Variants in HMGCLL1 observed in about 807,000 individuals in gnomAD.
HMGCLL1 encodes the protein 3-hydroxy-3-methylglutaryl-CoA lyase like 1, also known as 3-hydroxymethyl-3-methylglutaryl-CoA lyase, cytoplasmic.
In HMGCLL1, 36 loss-of-function variants were observed where a neutral mutation model predicts 39.1. That is an observed-to-expected ratio of 0.92 (90% confidence interval 0.71 to 1.22). The LOEUF is 1.22. Ranked by LOEUF, HMGCLL1 falls within the 50% of genes most tolerant of loss-of-function variation. HMGCLL1 has a pLI of 0.00. For synonymous variants in HMGCLL1, 149 were observed against 144.0 expected, an observed-to-expected ratio of 1.03 and a Z score of -0.25; for missense variants, 451 against 416.5, an observed-to-expected ratio of 1.08 and a Z score of -0.72.
the HMGCLL1 span, among the ~76,000 whole-genome samples, chr6:55,641,571 G>A: frequency 6.9e-4 from 104 of 151,790 alleles, no homozygotes; most frequent in African/African-American, 2.4e-3. Flanking sequence ...AGTTACCCTA[G>A]GAAAACAGAA....
At chr6:55,591,684 GTTT>G in the HMGCLL1 span, among the ~76,000 whole-genome samples, 1 of 142,172 alleles carries the variant, frequency 7.0e-6, no homozygotes. Flanking sequence ...ACTTAAGGAA[GTTT>G]TTTTTTTTTT....
the HMGCLL1 span, among the ~76,000 whole-genome samples, chr6:55,600,642 T>C: frequency 6.6e-6 from 1 of 152,208 alleles, no homozygotes; most frequent in African/African-American, 2.4e-5. Context: ...TTAATCAAGA[T>C]ATGCAATGTA....
chr6:55,435,447 T>C lies in HMGCLL1; in HGVS notation c.*215A>G, dbSNP rs954225243. The C allele has an allele frequency of 9.2e-5, 34 of 368,330 alleles. No homozygotes were observed. Among genetic ancestry groups the C allele is most frequent in the Non-Finnish European group, 1.4e-4 (29 of 205,566 alleles). 22.8% of individuals were successfully genotyped at this position (368,330 alleles called of 1,614,324 possible). A position where few individuals can be genotyped will look rare whatever the true frequency, so the allele number is the denominator to read the frequency against. ...TTTCCAAGTTCAAAATTATGACAAG[T>C]TTTATTATTTATCCTCAGCTTGCAA... is the stretch of plus-strand genomic sequence containing the variant. On this transcript the variant is annotated 3_prime_UTR_variant, in exon 9 of 9. Coordinates refer to ENST00000274901, the MANE Select transcript of HMGCLL1 (RefSeq NM_001042406.2).
intron 7 of HMGCLL1, among the ~76,000 whole-genome samples, chr6:55,450,107 G>A (rs979556765): frequency 2.0e-5 from 3 of 152,190 alleles, no homozygotes; most frequent in Non-Finnish European, 4.4e-5. Flanking sequence ...AAGAAGATGA[G>A]TTAATGAAAG....
the HMGCLL1 span, among the ~76,000 whole-genome samples, chr6:55,595,062 A>C: frequency 6.6e-6 from 1 of 152,208 alleles, no homozygotes; most frequent in African/African-American, 2.4e-5. Flanking sequence ...AAATAGAAAC[A>C]TACATTTCAA....
chr6:55,536,734 T>A (rs930204173), intron 3 of HMGCLL1, among the ~76,000 whole-genome samples: 1 of 152,128 alleles, frequency 6.6e-6, no homozygotes, highest in African/African-American at 2.4e-5. Flanking sequence ...GCCATTCAGG[T>A]TATAGGTGTG....
intron 1 of HMGCLL1, among the ~76,000 whole-genome samples, chr6:55,554,394 C>A (rs1272370815): frequency 3.3e-5 from 5 of 151,942 alleles, no homozygotes; most frequent in African/African-American, 1.2e-4. Flanking sequence ...ATGGAGCTGG[C>A]AGATGAATAG....
chr6:55,552,182 A>C (rs1182585104), intron 1 of HMGCLL1, among the ~76,000 whole-genome samples: 1 of 152,054 alleles, frequency 6.6e-6, no homozygotes, highest in Non-Finnish European at 1.5e-5. Flanking sequence ...ACAGAATCTA[A>C]AGTCTCAAAT....
the HMGCLL1 span, among the ~76,000 whole-genome samples, chr6:55,615,273 A>G: frequency 6.6e-6 from 1 of 152,142 alleles, no homozygotes; most frequent in South Asian, 2.1e-4. Flanking sequence ...AAATCATAGG[A>G]AAAAAAAGAA....
At chr6:55,448,641 ATTCTTCTCAGAATCATCTGCT>A in intron 7 of HMGCLL1, among the ~76,000 whole-genome samples, 1 of 152,190 alleles carries the variant, frequency 6.6e-6, no homozygotes, top group African/African-American at 2.4e-5. Context: ...TCTGTAGATG[ATTCTTCTCAGAATCATCTGCT>A]TTTGCCTGTT....
chr6:55,625,204 G>A, the HMGCLL1 span, among the ~76,000 whole-genome samples: 13 of 152,230 alleles, frequency 8.5e-5, no homozygotes, highest in South Asian at 6.2e-4. Context: ...GAAACTGGAT[G>A]TTTGACTATG....
chr6:55,602,668 A>T, the HMGCLL1 span, among the ~76,000 whole-genome samples: 1 of 151,964 alleles, frequency 6.6e-6, no homozygotes, highest in Non-Finnish European at 1.5e-5. Flanking sequence ...AATAAGATGT[A>T]AAAAATGTCA....
At chr6:55,547,953 T>C (rs186705536) in intron 1 of HMGCLL1, among the ~76,000 whole-genome samples, 3 of 152,122 alleles carry the variant, frequency 2.0e-5, no homozygotes, top group East Asian at 3.9e-4. Context: ...CCTGGGTATC[T>C]CTCTAGAATG....
chr6:55,676,935 T>C, the HMGCLL1 span, among the ~76,000 whole-genome samples: 1 of 152,246 alleles, frequency 6.6e-6, no homozygotes, highest in Non-Finnish European at 1.5e-5. Context: ...TTGGGGCCTA[T>C]TTATTACTTC....
At chr6:55,498,224 C>G (rs1766688530) in intron 6 of HMGCLL1, among the ~76,000 whole-genome samples, 1 of 151,754 alleles carries the variant, frequency 6.6e-6, no homozygotes, top group Admixed American at 6.6e-5. Context: ...TGAAGTTATG[C>G]CCTTTGGAGG....
At chr6:55,613,851 A>C in the HMGCLL1 span, among the ~76,000 whole-genome samples, 1 of 152,148 alleles carries the variant, frequency 6.6e-6, no homozygotes. Context: ...TGATGTGTTG[A>C]TAGATGTAGC....
the HMGCLL1 span, among the ~76,000 whole-genome samples, chr6:55,630,175 C>T: frequency 6.6e-6 from 1 of 152,096 alleles, no homozygotes; most frequent in Non-Finnish European, 1.5e-5. Context: ...AGGGGTGGAG[C>T]TGCCTAAGGC....
chr6:55,437,042 G>C (rs935075765), intron 8 of HMGCLL1, among the ~76,000 whole-genome samples: 1 of 151,980 alleles, frequency 6.6e-6, no homozygotes, highest in Non-Finnish European at 1.5e-5. Context: ...TTGACAGAAA[G>C]ATTTTTGTCA....
chr6:55,478,792 C>T lies in HMGCLL1; in HGVS notation c.795+16627G>A, dbSNP rs191639366. On this transcript the variant is annotated intron_variant, in intron 7 of 8. Transcript: ENST00000274901. Reference sequence around the variant, plus strand: ...ACAGCTTGTTGATCTAATTACCAAACTAATTTTTATTTAGGCTGTTCTCAC... The same window carrying T: ...ACAGCTTGTTGATCTAATTACCAAATTAATTTTTATTTAGGCTGTTCTCAC... 4.9e-4 allele frequency among the ~76,000 whole-genome samples: 74 copies of T among 151,346 alleles called. 1 individual carries two copies. Among genetic ancestry groups the T allele is most frequent in the Admixed American group, 8.6e-4 (13 of 15,172 alleles).
Sources: gnomAD v4.1 joint callset for allele counts (sites outside exome capture counted in the v4.1 genomes callset) on GRCh38, gnomAD v4.1.1 for gene constraint, MANE v1.5 for transcripts, NCBI Gene and HGNC (gene_info 2026-07-23, HGNC 2026-07-21) for gene names.